The following ZBTB20 variants were observed in gnomAD, a reference collection of about 807,000 sequenced individuals.
ZBTB20 encodes the protein zinc finger and BTB domain containing 20, also known as zinc finger and BTB domain-containing protein 20.
A neutral mutation model predicts 56.9 loss-of-function variants in ZBTB20; 9 were observed. The observed-to-expected ratio is 0.16, with a 90% CI of 0.10 to 0.28. The LOEUF (loss-of-function observed/expected upper bound fraction) is 0.28, where lower values mean the gene tolerates loss of function less well. Ranked by LOEUF, ZBTB20 falls within the 10% of genes least tolerant of loss-of-function variation. ZBTB20 has a pLI of 1.00. For synonymous variants in ZBTB20, 417 were observed against 420.7 expected (o/e 0.99, Z 0.11); for missense variants, 655 against 1,003.0 (o/e 0.65, Z 4.69).
At chr3:114,348,406 T>C (rs1040709858) in intron 11 of ZBTB20, among the ~76,000 whole-genome samples, 16 of 152,242 alleles carry the variant, frequency 1.1e-4, no homozygotes, top group Admixed American at 1.0e-3. Context: ...CATTACTATT[T>C]GATTAATTCA....
chr3:114,414,722 A>T (rs1242970727), intron 7 of ZBTB20, among the ~76,000 whole-genome samples: 1 of 147,856 alleles, frequency 6.8e-6, no homozygotes, highest in Non-Finnish European at 1.5e-5. Context: ...ATTTATATAA[A>T]ATATATAAAA....
At chr3:114,354,571 T>G (rs1419696283) in intron 10 of ZBTB20, among the ~76,000 whole-genome samples, 1 of 118,680 alleles carries the variant, frequency 8.4e-6, no homozygotes, top group Non-Finnish European at 1.7e-5. Context: ...AGGTTTTTTT[T>G]TGTTTTGTTT....
intron 2 of ZBTB20, among the ~76,000 whole-genome samples, chr3:114,986,488 A>G (rs1194670168): frequency 6.6e-6 from 1 of 152,080 alleles, no homozygotes; most frequent in African/African-American, 2.4e-5. Flanking sequence ...TTCATCGCTC[A>G]TGATTCCTTT....
intron 2 of ZBTB20, among the ~76,000 whole-genome samples, chr3:115,000,255 A>C (rs1412296770): frequency 6.6e-6 from 1 of 151,628 alleles, no homozygotes; most frequent in East Asian, 1.9e-4. Flanking sequence ...AATGTAGATG[A>C]TTTTAAATGT....
chr3:114,826,841 C>T (rs1296545704), intron 4 of ZBTB20, among the ~76,000 whole-genome samples: 3 of 151,380 alleles, frequency 2.0e-5, no homozygotes, highest in Non-Finnish European at 4.4e-5. Flanking sequence ...GTTATTAGAA[C>T]CATAAAAAAC....
chr3:114,787,368 T>TATATATACACACAC (rs1433434685), intron 5 of ZBTB20, among the ~76,000 whole-genome samples: 1 of 106,314 alleles, frequency 9.4e-6, no homozygotes, highest in African/African-American at 4.5e-5. Flanking sequence ...TATATATATA[T>TATATATACACACAC]ACACACACAC....
intron 6 of ZBTB20, among the ~76,000 whole-genome samples, chr3:114,592,617 C>A (rs2055886279): frequency 6.6e-6 from 1 of 152,184 alleles, no homozygotes; most frequent in Non-Finnish European, 1.5e-5. Context: ...AGCCATAGAG[C>A]ACCATTTGTG....
chr3:114,398,311 T>C (rs184012024), intron 7 of ZBTB20, among the ~76,000 whole-genome samples: 1 of 152,258 alleles, frequency 6.6e-6, no homozygotes, highest in East Asian at 1.9e-4. Flanking sequence ...ACCCCAGCTT[T>C]TTGAGCACAG....
chr3:114,475,179 T>C (rs2040601026), intron 7 of ZBTB20, among the ~76,000 whole-genome samples: 1 of 152,308 alleles, frequency 6.6e-6, no homozygotes, highest in Middle Eastern at 3.4e-3. Context: ...GATTCTTCCA[T>C]GCTTTTCTCA....
Position 114,330,929 on chromosome 3 carries a change from T to A in ZBTB20, c.*8076A>T, listed in dbSNP as rs1006556554. The A allele has an allele frequency of 1.3e-5, 2 of 152,150 alleles. No homozygotes were observed. Among genetic ancestry groups the A allele is most frequent in the African/African-American group, 4.8e-5 (2 of 41,408 alleles). 9.4% of individuals were successfully genotyped at this position (152,150 alleles called of 1,614,324 possible). A position where few individuals can be genotyped will look rare whatever the true frequency, so the allele number is the denominator to read the frequency against. ...GGCAAGAGCAATCAATTCCTACAGA[T>A]TACCAAAAAACATTCCCCCCAACAG... On this transcript the variant is annotated 3_prime_UTR_variant, in exon 12 of 12. Coordinates refer to ENST00000675478, the MANE Select transcript of ZBTB20 (RefSeq NM_001348800.3).
intron 1 of ZBTB20, among the ~76,000 whole-genome samples, chr3:115,080,698 C>A (rs1290671632): frequency 1.3e-5 from 2 of 152,114 alleles, no homozygotes; most frequent in Admixed American, 1.3e-4. Flanking sequence ...AAGATTCACC[C>A]TCATAAGAAC....
chr3:114,769,552 CATATATATATATATATAT>C (rs6148023), intron 5 of ZBTB20, among the ~76,000 whole-genome samples: 62,471 of 116,800 alleles, frequency 0.53, 16,832 homozygotes, highest in South Asian at 0.6. Flanking sequence ...TGCCAAAATG[CATATATATATATATATAT>C]ATATATATAT....
chr3:114,824,732 A>G (rs2073433242), intron 4 of ZBTB20, among the ~76,000 whole-genome samples: 1 of 151,944 alleles, frequency 6.6e-6, no homozygotes, highest in African/African-American at 2.4e-5. Flanking sequence ...ATAGAAGCTC[A>G]GAGAGCTAAA....
intron 2 of ZBTB20, among the ~76,000 whole-genome samples, chr3:115,028,989 T>C (rs1290102208): frequency 6.7e-6 from 1 of 150,170 alleles, no homozygotes; most frequent in Non-Finnish European, 1.5e-5. Flanking sequence ...ACTATAAACA[T>C]GAGAAAGGAG....
chr3:115,074,677 A>G (rs2082531774), intron 1 of ZBTB20, among the ~76,000 whole-genome samples: 1 of 152,188 alleles, frequency 6.6e-6, no homozygotes, highest in Non-Finnish European at 1.5e-5. Context: ...TTGCTGAGAA[A>G]AGGAAATTAA....
Position 114,824,081 on chromosome 3 carries a change from G to A in ZBTB20, c.-416-22907C>T, listed in dbSNP as rs75791200. Among the ~76,000 whole-genome samples, 30 of 151,970 alleles carry A rather than the reference G, an allele frequency of 2.0e-4. No homozygotes were observed. The East Asian group carries it at 3.3e-3, about 17-fold the overall frequency. ...GGGGTAAATAGGGTAGCTAGGAAAC[G>A]CTCCTCAAAGTGAAAAATAAGTATA... On this transcript the variant is annotated intron_variant, in intron 4 of 11. Transcript: ENST00000675478.
At chr3:114,641,950 A>C (rs1398815883) in intron 6 of ZBTB20, among the ~76,000 whole-genome samples, 1 of 152,088 alleles carries the variant, frequency 6.6e-6, no homozygotes, top group African/African-American at 2.4e-5. Context: ...CCTCCAAATT[A>C]ACCAGGTAGA....
intron 6 of ZBTB20, among the ~76,000 whole-genome samples, chr3:114,561,149 T>C (rs1026834574): frequency 9.2e-5 from 14 of 152,222 alleles, no homozygotes; most frequent in African/African-American, 3.1e-4. Context: ...GCTTCACTTC[T>C]AATTCTAGTT....
At chr3:115,124,716 T>G (rs184666684) in intron 1 of ZBTB20, among the ~76,000 whole-genome samples, 2 of 152,220 alleles carry the variant, frequency 1.3e-5, no homozygotes, top group Admixed American at 1.3e-4. Context: ...AGACAAGAGC[T>G]GGCACGGCAA....
Sources: gnomAD v4.1 joint callset for allele counts (sites outside exome capture counted in the v4.1 genomes callset) on GRCh38, gnomAD v4.1.1 for gene constraint, MANE v1.5 for transcripts, NCBI Gene and HGNC (gene_info 2026-07-23, HGNC 2026-07-21) for gene names.